The following MAPK4 variants were observed in gnomAD, a reference collection of about 807,000 sequenced individuals.
MAPK4 encodes mitogen-activated protein kinase 4.
In MAPK4, 22 loss-of-function variants were observed where a neutral mutation model predicts 47.7. The observed-to-expected ratio is 0.46, with a 90% CI of 0.33 to 0.66. The LOEUF is 0.66. MAPK4 is among the 30% of genes least tolerant of loss of function. MAPK4 has a pLI of 0.02. For synonymous variants in MAPK4, 390 were observed against 365.7 expected, an observed-to-expected ratio of 1.07 and a Z score of -0.76; for missense variants, 736 against 831.7, an observed-to-expected ratio of 0.88 and a Z score of 1.42.
At chr18:50,591,593 A>C (rs1040979083) in intron 1 of MAPK4, among the ~76,000 whole-genome samples, 1 of 151,060 alleles carries the variant, frequency 6.6e-6, no homozygotes, top group African/African-American at 2.4e-5. Flanking sequence ...TGTTTAGTGC[A>C]TTTATGGTTT....
rs971833346 is a variant in MAPK4, at chr18:50,730,159, G to A, written c.*305G>A. ...GACAGCAGTCTGCGGGCCCCACCTG[G>A]GTGGCAGGATGCCGAGAAATCTTGC... On this transcript the variant is annotated 3_prime_UTR_variant, in exon 6 of 6. Coordinates refer to ENST00000400384, the MANE Select transcript of MAPK4 (RefSeq NM_002747.4). 7 of 261,018 alleles carry A rather than the reference G, an allele frequency of 2.7e-5. No individual in the cohort carries two copies. The highest frequency in any genetic ancestry group is 1.5e-4 in the African/African-American group (7 of 45,264). 16.2% of individuals were successfully genotyped at this position (261,018 alleles called of 1,614,324 possible). A position where few individuals can be genotyped will look rare whatever the true frequency, so the allele number is the denominator to read the frequency against.
At chr18:50,630,112 G>T (rs577050658) in intron 1 of MAPK4, among the ~76,000 whole-genome samples, 10 of 152,342 alleles carry the variant, frequency 6.6e-5, no homozygotes, top group Non-Finnish European at 1.2e-4. Context: ...GTGGCATTCG[G>T]TCTGGTAGGA....
intron 1 of MAPK4, among the ~76,000 whole-genome samples, chr18:50,652,392 T>A (rs1488280612): frequency 6.6e-6 from 1 of 152,214 alleles, no homozygotes; most frequent in Non-Finnish European, 1.5e-5. Flanking sequence ...GCCATGCCTA[T>A]GTGTCAGCTG....
intron 2 of MAPK4, among the ~76,000 whole-genome samples, chr18:50,687,334 A>C (rs1908937638): frequency 6.6e-6 from 1 of 152,180 alleles, no homozygotes; most frequent in African/African-American, 2.4e-5. Flanking sequence ...CAATGGTAGG[A>C]TATTTAGAAG....
chr18:50,681,576 A>AT (rs1428051071), intron 2 of MAPK4, among the ~76,000 whole-genome samples: 3 of 152,104 alleles, frequency 2.0e-5, no homozygotes, highest in Non-Finnish European at 2.9e-5. Flanking sequence ...TCTTTGATCC[A>AT]TTTTTTAGTT....
chr18:50,685,722 G>A (rs1908843759), intron 2 of MAPK4, among the ~76,000 whole-genome samples: 4 of 152,170 alleles, frequency 2.6e-5, no homozygotes, highest in Admixed American at 2.0e-4. Flanking sequence ...TGCATCCTTC[G>A]CCTTCTCAAG....
At position 50,567,819 on chromosome 18, in the gene MAPK4, G is replaced by GT. The variant is rs765436589; in HGVS notation, c.-871+7583dup. 2.3e-4 allele frequency among the ~76,000 whole-genome samples: 33 copies of GT among 145,572 alleles called. 1 individual carries two copies. Among genetic ancestry groups the GT allele is most frequent in the South Asian group, 6.5e-4 (3 of 4,616 alleles). Reference sequence around the variant, plus strand: ...GGTGAATTATCTATTTGAGTGTAGTGTTTTTTTAAAAAAAAAAAATGACCT... The same window carrying GT: ...GGTGAATTATCTATTTGAGTGTAGTGTTTTTTTTAAAAAAAAAAAATGACCT... On this transcript the variant is annotated intron_variant, in intron 1 of 5. Coordinates refer to ENST00000400384, the MANE Select transcript of MAPK4 (RefSeq NM_002747.4).
chr18:50,594,465 C>T (rs2042465347), intron 1 of MAPK4, among the ~76,000 whole-genome samples: 1 of 152,112 alleles, frequency 6.6e-6, no homozygotes, highest in South Asian at 2.1e-4. Context: ...CATTTACAGT[C>T]AATTGATTTT....
At chr18:50,653,688 T>TG (rs1314455171) in intron 1 of MAPK4, among the ~76,000 whole-genome samples, 1 of 152,236 alleles carries the variant, frequency 6.6e-6, no homozygotes, top group African/African-American at 2.4e-5. Context: ...CCACGCACTG[T>TG]GCTGAGTTGA....
intron 1 of MAPK4, among the ~76,000 whole-genome samples, chr18:50,624,791 A>G (rs1364724642): frequency 6.6e-6 from 1 of 150,590 alleles, no homozygotes; most frequent in Non-Finnish European, 1.5e-5. Flanking sequence ...TAAGGTACAC[A>G]GCTGCTCTTC....
chr18:50,723,794 G>A (rs1013007452), intron 4 of MAPK4, among the ~76,000 whole-genome samples: 32 of 150,632 alleles, frequency 2.1e-4, no homozygotes, highest in Non-Finnish European at 7.4e-5. Flanking sequence ...AACCTGGAAA[G>A]TTGAGGCTGC....
intron 2 of MAPK4, among the ~76,000 whole-genome samples, chr18:50,670,618 G>A (rs1183238146): frequency 3.3e-5 from 5 of 152,062 alleles, no homozygotes; most frequent in East Asian, 1.9e-4. Context: ...TTAGCCAGGC[G>A]TGGTGGTGTG....
At chr18:50,721,026 G>A (rs186114203) in intron 3 of MAPK4, among the ~76,000 whole-genome samples, 1 of 152,194 alleles carries the variant, frequency 6.6e-6, no homozygotes, top group African/African-American at 2.4e-5. Context: ...TGAGGAAGGA[G>A]AGGTATGGCT....
chr18:50,611,366 A>G (rs866143019), intron 1 of MAPK4, among the ~76,000 whole-genome samples: 3 of 152,244 alleles, frequency 2.0e-5, no homozygotes, highest in African/African-American at 4.8e-5. Context: ...CATGAGCCCA[A>G]TAACGTGCAA....
intron 1 of MAPK4, among the ~76,000 whole-genome samples, chr18:50,566,020 G>C (rs2042195306): frequency 6.6e-6 from 1 of 152,166 alleles, no homozygotes; most frequent in Admixed American, 6.6e-5. Context: ...CCTTAGTTTA[G>C]ATCACCTTAG....
intron 4 of MAPK4, among the ~76,000 whole-genome samples, chr18:50,724,222 T>C (rs2144482481): frequency 6.6e-6 from 1 of 152,306 alleles, no homozygotes; most frequent in East Asian, 1.9e-4. Context: ...CTGGCCCACC[T>C]GGCCAACTAC....
intron 1 of MAPK4, among the ~76,000 whole-genome samples, chr18:50,596,706 C>T (rs2042484678): frequency 6.6e-6 from 1 of 152,194 alleles, no homozygotes; most frequent in African/African-American, 2.4e-5. Context: ...ATAAGGGAAG[C>T]ACTGCTTGGT....
chr18:50,691,474 T>A (rs930993013), intron 2 of MAPK4, among the ~76,000 whole-genome samples: 3 of 152,198 alleles, frequency 2.0e-5, no homozygotes, highest in African/African-American at 7.2e-5. Flanking sequence ...AAATTTGACA[T>A]GTTTTGCTTT....
At position 50,590,230 on chromosome 18, in the gene MAPK4, A is replaced by G. The variant is rs139766118; in HGVS notation, c.-871+29987A>G. Among the ~76,000 whole-genome samples the G allele has an allele frequency of 7.9e-5, 12 of 152,368 alleles. No individual in the cohort carries two copies. In the East Asian group the frequency reaches 2.3e-3, roughly 29 times the overall value. On this transcript the variant is annotated intron_variant, in intron 1 of 5. Transcript: ENST00000400384. ...TAAAGCCTCTGTCAGTAGCTTAATA[A>G]TGGCCTTGGTCATGAAGGTAAGATG...
Sources: gnomAD v4.1 joint callset for allele counts (sites outside exome capture counted in the v4.1 genomes callset) on GRCh38, gnomAD v4.1.1 for gene constraint, MANE v1.5 for transcripts, NCBI Gene and HGNC (gene_info 2026-07-23, HGNC 2026-07-21) for gene names.